Variants in KLHL36 observed in about 807,000 individuals in gnomAD.
KLHL36 encodes the protein kelch-like protein 36.
A neutral mutation model predicts 53.3 loss-of-function variants in KLHL36; 35 were observed. The ratio of observed to expected loss-of-function variants is 0.66; its 90% CI spans 0.50 to 0.87. The LOEUF is 0.87. Ranked by LOEUF, KLHL36 falls within the 40% of genes least tolerant of loss-of-function variation. KLHL36 has a pLI of 0.00. For missense variants in KLHL36, 864 were observed against 897.6 expected, an observed-to-expected ratio of 0.96 and a Z score of 0.48; for synonymous variants, 472 against 398.9, an observed-to-expected ratio of 1.18 and a Z score of -2.18.
intron 3 of KLHL36, 153 bp downstream of exon 3, chr16:84,658,097 C>T: frequency 3.2e-6 from 2 of 634,258 alleles, no homozygotes; most frequent in Non-Finnish European, 5.2e-6. Flanking sequence ...TACCCCGGGG[C>T]CTACATCCTG....
chr16:84,652,010 C>G (rs372481000), intron 2 of KLHL36, among the ~76,000 whole-genome samples: 2 of 152,208 alleles, frequency 1.3e-5, no homozygotes, highest in African/African-American at 4.8e-5. Flanking sequence ...GGTTGGCTCT[C>G]TTGAGATATG....
chr16:84,657,350 G>A lies in KLHL36; in HGVS notation c.543G>A (p.Thr181=), dbSNP rs145361826. 10 of 1,612,316 alleles carry A rather than the reference G, an allele frequency of 6.2e-6. No homozygotes were observed. In the East Asian group the frequency reaches 1.1e-4, roughly 18 times the overall value. Residue 181 remains threonine (T), a synonymous_variant, in exon 3 of 5, where the codon ACG becomes ACA. Coordinates refer to ENST00000564996, the MANE Select transcript of KLHL36 (RefSeq NM_024731.4). ...ACCACTTCGGCACGCTGTCCTTTAC[G>A]CCCGACTTCCTGCAGAACGTCTCCA... ...ILNHFGTLSF[T]PDFLQNVSMQ...
chr16:84,660,007 G>C (rs1212782148), intron 4 of KLHL36, 90 bp downstream of exon 4: 6 of 1,247,136 alleles, frequency 4.8e-6, no homozygotes, highest in East Asian at 4.8e-5. Flanking sequence ...GGGCATGTTG[G>C]CCTCCAATTC....
chr16:84,657,404 C>T lies in KLHL36; in HGVS notation c.597C>T (p.Ser199=). Residue 199 remains serine, a synonymous_variant, in exon 3 of 5, where the codon AGC becomes AGT. Transcript: ENST00000564996. The part of the protein sequence containing the change: ...SMQKLCVYLS[S]SEVQRECEHD... ...AGAAGCTGTGTGTCTACCTGAGCAG[C>T]AGCGAGGTGCAGCGGGAGTGTGAGC... The T allele has an allele frequency of 6.2e-7, 1 of 1,606,790 alleles. No homozygotes were observed. The highest frequency in any genetic ancestry group is 8.5e-7 in the Non-Finnish European group (1 of 1,179,970).
At chr16:84,659,623 T>G (rs1907426755) in intron 3 of KLHL36, 137 bp from the exon 4 acceptor site, 9 of 888,032 alleles carry the variant, frequency 1.0e-5, no homozygotes, top group Middle Eastern at 2.3e-4. Context: ...GAAGCCCTCT[T>G]TATTCAGGTG....
At position 84,657,331 on chromosome 16, in the gene KLHL36, T is replaced by C. The variant is rs1418326971; in HGVS notation, c.524T>C (p.Phe175Ser). The C allele has an allele frequency of 6.2e-7, 1 of 1,613,332 alleles. No individual in the cohort carries two copies. Among genetic ancestry groups the C allele is most frequent in the African/African-American group, 1.3e-5 (1 of 74,924 alleles). Residue 175 changes from phenylalanine (F) to serine (S), a missense_variant, in exon 3 of 5, where the codon TTC becomes TCC. Transcript: ENST00000564996. ...ATCGATGGCTTCATCCTGAACCACT[T>C]CGGCACGCTGTCCTTTACGCCCGAC... ...AFIDGFILNH[F>S]GTLSFTPDFL...
At chr16:84,655,804 C>G (rs894284528) in intron 2 of KLHL36, among the ~76,000 whole-genome samples, 6 of 152,164 alleles carry the variant, frequency 3.9e-5, no homozygotes, top group African/African-American at 1.2e-4. Context: ...CAGGCTAGTG[C>G]CCAGCCAGTT....
At chr16:84,650,170 AT>A (rs1469105060) in intron 1 of KLHL36, among the ~76,000 whole-genome samples, 1 of 152,082 alleles carries the variant, frequency 6.6e-6, no homozygotes, top group Non-Finnish European at 1.5e-5. Flanking sequence ...TGCTGGCCTC[AT>A]GGGGTTGCAG....
At chr16:84,651,040 A>G (rs1158469129) in intron 2 of KLHL36, 110 bp downstream of exon 2, 3 of 863,574 alleles carry the variant, frequency 3.5e-6, no homozygotes, top group Admixed American at 5.4e-5. Context: ...TGGTGTTGTC[A>G]GTCTCCTTAA....
intron 2 of KLHL36, among the ~76,000 whole-genome samples, chr16:84,652,294 A>G (rs1453150117): frequency 6.6e-6 from 1 of 150,824 alleles, no homozygotes; most frequent in Non-Finnish European, 1.5e-5. Context: ...TTTTCGAGAC[A>G]GGGTCTTGCT....
rs1285126219 is a variant in KLHL36 at position 84,651,834 on chromosome 16, A to G, written c.63+904A>G. On this transcript the variant is annotated intron_variant, in intron 2 of 4. Transcript: ENST00000564996. ...ATGTTAAGATTTTGCTGGGGAGGCTATTAGGGAAAAAAATCTTAAAAGCCT... is the reference window on the plus strand; with the variant it reads ...ATGTTAAGATTTTGCTGGGGAGGCTGTTAGGGAAAAAAATCTTAAAAGCCT... Among the ~76,000 whole-genome samples, 3 of 152,344 alleles carry G rather than the reference A, an allele frequency of 2.0e-5. No homozygotes were observed. In the East Asian group the frequency reaches 5.8e-4, roughly 29 times the overall value.
At chr16:84,654,996 T>A (rs1249190832) in intron 2 of KLHL36, among the ~76,000 whole-genome samples, 1 of 152,076 alleles carries the variant, frequency 6.6e-6, no homozygotes, top group African/African-American at 2.4e-5. Context: ...TTTCTAAAAA[T>A]GAGAAAAAAT....
intron 1 of KLHL36, among the ~76,000 whole-genome samples, chr16:84,650,315 C>T (rs1479839867): frequency 6.6e-6 from 1 of 152,048 alleles, no homozygotes; most frequent in Non-Finnish European, 1.5e-5. Flanking sequence ...ACTCTCGAAC[C>T]CGGGCCTCAT....
chr16:84,652,981 G>A (rs1311727268), intron 2 of KLHL36, among the ~76,000 whole-genome samples: 1 of 152,142 alleles, frequency 6.6e-6, no homozygotes, highest in Non-Finnish European at 1.5e-5. Context: ...ACCCTGGGAG[G>A]CCGAGGCGGG....
chr16:84,648,792 C>G lies in KLHL36; in HGVS notation c.-17+143C>G, dbSNP rs113631350. On this transcript the variant is annotated intron_variant, in intron 1 of 4. Coordinates refer to ENST00000564996, the MANE Select transcript of KLHL36 (RefSeq NM_024731.4). The surrounding 1 kb of genome is among the most constrained non-coding windows in gnomAD (Gnocchi z 4.9). ...CTGCGCCCCTTGGTGCCGGGGCGGG[C>G]GGGTGGGCGAGTGGGGGCGCCGCGG... The G allele has an allele frequency of 8.4e-5, 12 of 142,270 alleles. No homozygotes were observed. The highest frequency in any genetic ancestry group is 1.5e-4 in the Non-Finnish European group (10 of 64,574). The allele number at this position is 142,270 out of a possible 1,614,324, so 8.8% of individuals were successfully genotyped here. A position where few individuals can be genotyped will look rare whatever the true frequency, so the allele number is the denominator to read the frequency against.
intron 2 of KLHL36, among the ~76,000 whole-genome samples, chr16:84,653,840 CAAAAAA>C (rs67608719): frequency 8.9e-6 from 1 of 111,808 alleles, no homozygotes; most frequent in Admixed American, 9.4e-5. Context: ...GCTCTGTATC[CAAAAAA>C]AAAAAAAAAA....
Position 84,663,274 on chromosome 16 carries a change from A to T in KLHL36, c.*1141A>T, listed in dbSNP as rs1218581595. On this transcript the variant is annotated 3_prime_UTR_variant, in exon 5 of 5. Coordinates refer to ENST00000564996, the MANE Select transcript of KLHL36 (RefSeq NM_024731.4). Reference sequence around the variant, plus strand: ...CCGCTTAGCCACAGGATTAGATGGAATACCCTCCAGGCTCCTCCCGGGTGA... The same window carrying T: ...CCGCTTAGCCACAGGATTAGATGGATTACCCTCCAGGCTCCTCCCGGGTGA... 6.6e-6 allele frequency: 1 copy of T among 152,272 alleles called. No homozygotes were observed. Among genetic ancestry groups the T allele is most frequent in the East Asian group, 1.9e-4 (1 of 5,194 alleles). The allele number at this position is 152,272 out of a possible 1,614,324, so 9.4% of individuals were successfully genotyped here.
At chr16:84,660,037 C>A in intron 4 of KLHL36, 120 bp downstream of exon 4, 1 of 1,033,190 alleles carries the variant, frequency 9.7e-7, no homozygotes, top group Non-Finnish European at 1.4e-6. Flanking sequence ...AATCTTCCGG[C>A]TTGTCAGGAA....
At chr16:84,658,046 C>G in intron 3 of KLHL36, 102 bp downstream of exon 3, 1 of 864,136 alleles carries the variant, frequency 1.2e-6, no homozygotes, top group Non-Finnish European at 1.7e-6. Context: ...GACAACTATC[C>G]TGCTTCTGAA....
Sources: gnomAD v4.1 joint callset for allele counts (sites outside exome capture counted in the v4.1 genomes callset) on GRCh38, gnomAD v4.1.1 for gene constraint, Gnocchi (gnomAD v3.1) non-coding constraint, MANE v1.5 for transcripts, NCBI Gene and HGNC (gene_info 2026-07-23, HGNC 2026-07-21) for gene names.